KLHL13: variants seen among roughly 807,000 people sequenced by gnomAD.
KLHL13 encodes kelch like family member 13.
KLHL13 carries 10 observed loss-of-function variants against 37.1 expected under a neutral mutation model. The ratio of observed to expected loss-of-function variants is 0.27; its 90% confidence interval spans 0.17 to 0.46. The LOEUF is 0.46. Among genes scored for constraint, KLHL13 ranks in the 20% least tolerant of loss-of-function variants. The pLI is 1.00. For synonymous variants in KLHL13, 163 were observed against 181.2 expected, an observed-to-expected ratio of 0.90 and a Z score of 0.81; for missense variants, 360 against 509.3, an observed-to-expected ratio of 0.71 and a Z score of 2.82.
intron 1 of KLHL13, among the ~76,000 whole-genome samples, chrX:117,966,996 A>C (rs1311923378): frequency 2.7e-5 from 3 of 111,823 alleles, no homozygotes. Context: ...GGACATAGGC[A>C]TGGGCAAAGA....
intron 1 of KLHL13, among the ~76,000 whole-genome samples, chrX:118,108,112 C>G (rs756371834): frequency 1.8e-5 from 2 of 111,956 alleles, no homozygotes; most frequent in African/African-American, 3.2e-5. Context: ...ATGAAGTGAT[C>G]TTTAGAAATG....
intron 1 of KLHL13, among the ~76,000 whole-genome samples, chrX:118,030,560 T>C (rs57247974): frequency 0.027 from 3,013 of 112,086 alleles, 96 homozygotes; most frequent in African/African-American, 0.092. Context: ...CAAAAAAGAA[T>C]GTGTTGGAAA....
At chrX:117,962,425 A>T (rs1207988768) in intron 1 of KLHL13, among the ~76,000 whole-genome samples, 1 of 110,321 alleles carries the variant, frequency 9.1e-6, no homozygotes, top group Non-Finnish European at 1.9e-5. Context: ...TGCTAAAAAG[A>T]GTACACCAGC....
intron 1 of KLHL13, among the ~76,000 whole-genome samples, chrX:118,098,108 A>G (rs1279421327): frequency 3.6e-5 from 4 of 112,132 alleles, no homozygotes; most frequent in Non-Finnish European, 7.5e-5. Context: ...GAGCTTCTGC[A>G]CAGCAAAAGA....
chrX:118,057,631 T>A (rs6646055), intron 1 of KLHL13, among the ~76,000 whole-genome samples: 4 of 110,835 alleles, frequency 3.6e-5, no homozygotes, highest in African/African-American at 1.3e-4. Flanking sequence ...CCATCCTGGC[T>A]AACACAGTGA....
intron 1 of KLHL13, among the ~76,000 whole-genome samples, chrX:117,996,180 GAA>G (rs1364031822): frequency 8.9e-6 from 1 of 112,080 alleles, no homozygotes; most frequent in African/African-American, 3.2e-5. Context: ...GACATACAAG[GAA>G]AGAGGTTCAT....
chrX:117,916,957 T>C (rs1026618825), intron 4 of KLHL13, among the ~76,000 whole-genome samples: 2 of 112,010 alleles, frequency 1.8e-5, no homozygotes, highest in African/African-American at 6.5e-5. Context: ...TTAAAAAATA[T>C]AGTATCTTGA....
intron 1 of KLHL13, among the ~76,000 whole-genome samples, chrX:117,953,763 T>C (rs1933765396): frequency 9.0e-6 from 1 of 110,876 alleles, no homozygotes; most frequent in South Asian, 3.8e-4. Context: ...ATGCTTAATT[T>C]ATAAGCACAA....
At chrX:118,095,881 C>G (rs898810711) in intron 1 of KLHL13, among the ~76,000 whole-genome samples, 1 of 112,024 alleles carries the variant, frequency 8.9e-6, no homozygotes, top group African/African-American at 3.2e-5. Flanking sequence ...CTCTGGGACA[C>G]ATTCAAAGCA....
chrX:117,973,079 C>T (rs927312038), exon 1 of KLHL13: 8 of 1,010,249 alleles, frequency 7.9e-6, no homozygotes, highest in Middle Eastern at 4.2e-4. Context: ...GCCAGAAAAG[C>T]GTTGACTGCA....
At chrX:117,928,605 AC>A (rs2147735834) in intron 2 of KLHL13, among the ~76,000 whole-genome samples, 1 of 111,925 alleles carries the variant, frequency 8.9e-6, no homozygotes, top group East Asian at 2.8e-4. Context: ...CTTCTAAATA[AC>A]CCATAAAGAA....
intron 1 of KLHL13, among the ~76,000 whole-genome samples, chrX:118,080,000 T>C (rs1045006645): frequency 5.4e-5 from 6 of 111,566 alleles, no homozygotes; most frequent in African/African-American, 2.0e-4. Flanking sequence ...ATCAGATCTT[T>C]GACAAGGCCA....
chrX:118,099,154 T>C (rs1179803772), intron 1 of KLHL13, among the ~76,000 whole-genome samples: 3 of 111,383 alleles, frequency 2.7e-5, no homozygotes, highest in Non-Finnish European at 5.7e-5. Flanking sequence ...ATGCTTTTAA[T>C]TTTCAGAAGG....
intron 1 of KLHL13, among the ~76,000 whole-genome samples, chrX:118,053,042 G>A (rs1013392623): frequency 5.4e-5 from 6 of 111,415 alleles, no homozygotes; most frequent in Non-Finnish European, 1.1e-4. Flanking sequence ...TGGAAGCCAG[G>A]AGATGTGCAA....
chrX:118,056,536 C>T (rs771616236), intron 1 of KLHL13, among the ~76,000 whole-genome samples: 3 of 111,551 alleles, frequency 2.7e-5, no homozygotes, highest in African/African-American at 9.8e-5. Context: ...CCTTATCTGT[C>T]CTGGGTAAAA....
intron 4 of KLHL13, among the ~76,000 whole-genome samples, chrX:117,913,798 G>A (rs1395925679): frequency 1.9e-5 from 2 of 103,854 alleles, no homozygotes; most frequent in South Asian, 4.4e-4. Context: ...AGCCAAGACC[G>A]CACCACTGCA....
intron 2 of KLHL13, among the ~76,000 whole-genome samples, chrX:117,921,026 C>T (rs1256214269): frequency 9.0e-6 from 1 of 111,466 alleles, no homozygotes; most frequent in Non-Finnish European, 1.9e-5. Context: ...CTCCAAATGC[C>T]TAAAGGTTTA....
intron 1 of KLHL13, among the ~76,000 whole-genome samples, chrX:118,081,943 TG>T (rs1187949481): frequency 2.4e-4 from 19 of 80,033 alleles, no homozygotes; most frequent in Admixed American, 2.3e-3. Context: ...TATTCCATTG[TG>T]TGTGTGTGTG....
intron 1 of KLHL13, among the ~76,000 whole-genome samples, chrX:117,967,337 G>T (rs1246419410): frequency 9.0e-6 from 1 of 111,580 alleles, no homozygotes; most frequent in Non-Finnish European, 1.9e-5. Context: ...CATGTATGTT[G>T]TTTGTAATTC....
Sources: gnomAD v4.1 joint callset for allele counts (sites outside exome capture counted in the v4.1 genomes callset) on GRCh38, gnomAD v4.1.1 for gene constraint, MANE v1.5 for transcripts, NCBI Gene and HGNC (gene_info 2026-07-23, HGNC 2026-07-21) for gene names.